KHK: variants seen among roughly 807,000 people sequenced by gnomAD.
KHK encodes ketohexokinase.
In KHK, 37 loss-of-function variants were observed where a neutral mutation model predicts 36.0. That is an observed-to-expected ratio of 1.03 (90% CI 0.79 to 1.35). The LOEUF is 1.35. Ranked by LOEUF, KHK falls within the 40% of genes most tolerant of loss-of-function variation. KHK has a pLI of 0.00. For synonymous variants in KHK, 161 were observed against 162.8 expected (o/e 0.99, Z 0.08); for missense variants, 395 against 391.9 (o/e 1.01, Z -0.07).
chr2:27,092,472 C>A, intron 2 of KHK, 24 bp downstream of exon 2: 1 of 1,523,438 alleles, frequency 6.6e-7, no homozygotes, highest in Non-Finnish European at 9.1e-7. Context: ...GGAGAGCCCA[C>A]TGGGGAAGGC....
Position 27,092,412 on chromosome 2 carries a change from C to G in KHK, c.173C>G (p.Ala58Gly). ...TVLSLLGAPCAFMGSMAPGHV... is the reference protein window; with the variant it reads ...TVLSLLGAPCGFMGSMAPGHV... ...CTCTCCCTGCTCGGAGCCCCCTGTG[C>G]CTTCATGGGCTCAATGGCTCCTGGC... The change falls in exon 2 of 8, where the codon GCC (alanine) becomes GGC (glycine). Residue 58 changes from alanine (A) to glycine (G), a missense_variant. By Grantham distance (60) the Ala-to-Gly change is moderately conservative. Transcript: ENST00000260598. 6.2e-7 allele frequency: 1 copy of G among 1,613,506 alleles called. No individual in the cohort carries two copies. The highest frequency in any genetic ancestry group is 1.1e-5 in the South Asian group (1 of 91,084).
chr2:27,096,706 G>A, intron 3 of KHK, 23 bp from the exon 4 acceptor site: 1 of 1,607,404 alleles, frequency 6.2e-7, no homozygotes, highest in South Asian at 1.1e-5. Flanking sequence ...CTTCTTCTCT[G>A]TCTTTTCCAT....
chr2:27,098,914 T>C (rs2148368679), intron 5 of KHK: 1 of 424,348 alleles, frequency 2.4e-6, no homozygotes, highest in African/African-American at 2.0e-5. Context: ...AAAATATGCT[T>C]CTGGCCAGGT....
At chr2:27,098,206 A>G (rs1670519636) in intron 5 of KHK, among the ~76,000 whole-genome samples, 1 of 152,130 alleles carries the variant, frequency 6.6e-6, no homozygotes, top group Admixed American at 6.5e-5. Flanking sequence ...ACTTGTCCTC[A>G]ACCTTGGCTG....
At chr2:27,090,150 C>G (rs574402781) in intron 1 of KHK, among the ~76,000 whole-genome samples, 129 of 152,344 alleles carry the variant, frequency 8.5e-4, no homozygotes, top group African/African-American at 1.5e-3. Context: ...CCGCGCCCAG[C>G]CTTTAGCTGA....
At chr2:27,089,102 A>T (rs950094449) in intron 1 of KHK, among the ~76,000 whole-genome samples, 5 of 152,174 alleles carry the variant, frequency 3.3e-5, no homozygotes, top group Non-Finnish European at 5.9e-5. Flanking sequence ...GAAGATTTGG[A>T]GATGTTTTTT....
chr2:27,090,382 A>G (rs989883169), intron 1 of KHK, among the ~76,000 whole-genome samples: 7 of 150,122 alleles, frequency 4.7e-5, no homozygotes, highest in Admixed American at 4.6e-4. Flanking sequence ...CTTTTTTTTC[A>G]TATCTTTTCG....
chr2:27,098,024 C>T (rs1670502596), intron 5 of KHK, among the ~76,000 whole-genome samples: 2 of 152,252 alleles, frequency 1.3e-5, no homozygotes, highest in South Asian at 2.1e-4. Flanking sequence ...TTTCTTCCAA[C>T]TCAGGGGTGT....
intron 2 of KHK, 91 bp from the exon 3 acceptor site, chr2:27,094,709 C>T: frequency 6.2e-7 from 1 of 1,612,714 alleles, no homozygotes; most frequent in Non-Finnish European, 8.5e-7. Context: ...TGCTCCAGCA[C>T]CCTCTCCCCA....
chr2:27,100,303 G>A lies in KHK; in HGVS notation c.*553G>A, dbSNP rs897384884. ...TGACAGGCCAGTGGGGGGCAGGGGTGCGCCTCCTCTGCCCTGCCCACCAGC... is the reference window on the plus strand; with the variant it reads ...TGACAGGCCAGTGGGGGGCAGGGGTACGCCTCCTCTGCCCTGCCCACCAGC... On this transcript the variant is annotated 3_prime_UTR_variant, in exon 8 of 8. Coordinates refer to ENST00000260598, the MANE Select transcript of KHK (RefSeq NM_006488.3). 24 of 570,350 alleles carry A rather than the reference G, an allele frequency of 4.2e-5. No individual in the cohort carries two copies. In the African/African-American group the frequency reaches 4.6e-4, roughly 11 times the overall value. The allele number at this position is 570,350 out of a possible 1,614,324, so 35.3% of individuals were successfully genotyped here.
In KHK at chr2:27,092,409, G is replaced by C. The variant is rs1463133456; in HGVS notation, c.170G>C (p.Cys57Ser). 4 of 1,613,552 alleles carry C rather than the reference G, an allele frequency of 2.5e-6. No individual in the cohort carries two copies. The highest frequency in any genetic ancestry group is 3.4e-6 in the Non-Finnish European group (4 of 1,179,974). The part of the protein sequence containing the change: ...CTVLSLLGAP[C>S]AFMGSMAPGH... ...GTTCTCTCCCTGCTCGGAGCCCCCT[G>C]TGCCTTCATGGGCTCAATGGCTCCT... The change falls in exon 2 of 8, where the codon TGT (cysteine) becomes TCT (serine). Residue 57 changes from cysteine to serine, a missense_variant. By Grantham distance (112) the Cys-to-Ser change is moderately radical. Transcript: ENST00000260598.
At chr2:27,091,056 A>G (rs1416866022) in intron 1 of KHK, among the ~76,000 whole-genome samples, 2 of 25,874 alleles carry the variant, frequency 7.7e-5, no homozygotes, top group Non-Finnish European at 1.5e-4. Flanking sequence ...TCTGTCTCAA[A>G]AAAACAAAAA....
At chr2:27,099,337 C>T (rs1421064050) in intron 6 of KHK, 53 bp downstream of exon 6, 2 of 1,612,924 alleles carry the variant, frequency 1.2e-6, no homozygotes, top group African/African-American at 1.3e-5. Flanking sequence ...TGAGCCTGGA[C>T]TCCAGGAGTC....
intron 3 of KHK, among the ~76,000 whole-genome samples, chr2:27,096,209 A>C (rs993539812): frequency 1.3e-5 from 2 of 152,188 alleles, no homozygotes; most frequent in Non-Finnish European, 1.5e-5. Context: ...CCGGCCAAAC[A>C]CAAACTCTTC....
chr2:27,099,795 G>A lies in KHK; in HGVS notation c.*45G>A. 6.2e-7 allele frequency: 1 copy of A among 1,600,488 alleles called. No homozygotes were observed. The highest frequency in any genetic ancestry group is 8.5e-7 in the Non-Finnish European group (1 of 1,173,690). ...ACACACCATGGAGACTACCATTGCG[G>A]CTGCATCGCCTTCTCCCCTCCATCC... On this transcript the variant is annotated 3_prime_UTR_variant, in exon 8 of 8. Transcript: ENST00000260598.
At position 27,100,668 on chromosome 2, in the gene KHK, C is replaced by T. The variant is rs1020209552; in HGVS notation, c.*918C>T. 3.7e-6 allele frequency: 4 copies of T among 1,072,810 alleles called. No individual in the cohort carries two copies. Among genetic ancestry groups the T allele is most frequent in the Non-Finnish European group, 4.8e-6 (4 of 829,970 alleles). 66.5% of individuals were successfully genotyped at this position (1,072,810 alleles called of 1,614,324 possible). On this transcript the variant is annotated 3_prime_UTR_variant, in exon 8 of 8. Coordinates refer to ENST00000260598, the MANE Select transcript of KHK (RefSeq NM_006488.3). ...CACTTAACGCAATCTGCCTCAATTT[C>T]TTCATCTGTCAAATGGAACCAATTC...
intron 3 of KHK, among the ~76,000 whole-genome samples, chr2:27,095,389 G>A (rs757173142): frequency 1.8e-4 from 27 of 152,290 alleles, no homozygotes; most frequent in Admixed American, 6.5e-4. Context: ...TGGCACCAAG[G>A]AGCTGGGGTT....
At position 27,096,762 on chromosome 2, in the gene KHK, G is replaced by C; in HGVS notation, c.378G>C (p.Glu126Asp). ...CAGATGTGTCTGCTACAGACTTTGA[G>C]AAGGTTGATCTGACCCAGTTCAAGT... ...SLPDVSATDF[E>D]KVDLTQFKWI... The change falls in exon 4 of 8, where the codon GAG (glutamate) becomes GAC (aspartate). Residue 126 changes from glutamate to aspartate, a missense_variant. Physicochemically the swap from Glu to Asp is conservative, Grantham distance 45. Coordinates refer to ENST00000260598, the MANE Select transcript of KHK (RefSeq NM_006488.3). The C allele has an allele frequency of 6.2e-7, 1 of 1,614,114 alleles. No individual in the cohort carries two copies.
Position 27,099,421 on chromosome 2 carries a change from G to T in KHK, c.655G>T (p.Ala219Ser), listed in dbSNP as rs761385266. The T allele has an allele frequency of 6.2e-7, 1 of 1,613,858 alleles. No individual in the cohort carries two copies. ...CAGCTGAGTGGAGCCGTCTTGCAGG[G>T]CTGTGCTTGTCTGTGCCTGGGCTGA... ...RGLYGRVRKG[A>S]VLVCAWAEEG... Residue 219 changes from alanine (A) to serine (S), a missense_variant and splice_region_variant, in exon 7 of 8, where the codon GCT becomes TCT. Coordinates refer to ENST00000260598, the MANE Select transcript of KHK (RefSeq NM_006488.3).
Sources: gnomAD v4.1 joint callset for allele counts (sites outside exome capture counted in the v4.1 genomes callset) on GRCh38, gnomAD v4.1.1 for gene constraint, MANE v1.5 for transcripts, NCBI Gene and HGNC (gene_info 2026-07-23, HGNC 2026-07-21) for gene names.